The following PTBP3 variants were observed in gnomAD, a reference collection of about 807,000 sequenced individuals.
PTBP3 encodes the protein polypyrimidine tract binding protein 3, also known as polypyrimidine tract-binding protein 3.
In PTBP3, 20 loss-of-function variants were observed where a neutral mutation model predicts 58.7. The ratio of observed to expected loss-of-function variants is 0.34; its 90% CI spans 0.24 to 0.50. The LOEUF (loss-of-function observed/expected upper bound fraction) is 0.50. Ranked by LOEUF, PTBP3 falls within the 20% of genes least tolerant of loss-of-function variation. The pLI is 0.98. For synonymous variants in PTBP3, 185 were observed against 219.8 expected, an observed-to-expected ratio of 0.84 and a Z score of 1.40; for missense variants, 509 against 637.2, an observed-to-expected ratio of 0.80 and a Z score of 2.17.
chr9:112,330,405 A>G lies in PTBP3; in HGVS notation c.-52+3065T>C, dbSNP rs1332071078. The G allele has an allele frequency of 2.8e-6, 4 of 1,421,024 alleles. No individual in the cohort carries two copies. The African/African-American group carries it at 5.8e-5, about 20-fold the overall frequency. 88.0% of individuals were successfully genotyped at this position (1,421,024 alleles called of 1,614,324 possible). ...AGACTGAAAATATGCCAAAAGATAT[A>G]AAAATGCATATGAAAGGATAGTAAA... On this transcript the variant is annotated intron_variant, in intron 1 of 13. Transcript: ENST00000374257.
chr9:112,350,764 T>C, the PTBP3 span, among the ~76,000 whole-genome samples: 1 of 152,160 alleles, frequency 6.6e-6, no homozygotes, highest in Non-Finnish European at 1.5e-5. Context: ...TCTCAGAGTC[T>C]CTCATGAGGT....
chr9:112,290,381 A>C (rs1413294615), intron 2 of PTBP3, among the ~76,000 whole-genome samples: 3 of 152,130 alleles, frequency 2.0e-5, no homozygotes, highest in Non-Finnish European at 4.4e-5. Context: ...AAAATTAAAA[A>C]TACACAATAT....
chr9:112,350,933 G>A, the PTBP3 span, among the ~76,000 whole-genome samples: 2 of 151,944 alleles, frequency 1.3e-5, no homozygotes, highest in South Asian at 4.2e-4. Context: ...CGAGTAGTTG[G>A]GATTACAGGC....
intron 1 of PTBP3, among the ~76,000 whole-genome samples, chr9:112,314,204 A>C (rs1482827794): frequency 6.6e-6 from 1 of 152,220 alleles, no homozygotes; most frequent in Non-Finnish European, 1.5e-5. Flanking sequence ...AGAGGGACAA[A>C]TGTATACCAC....
At chr9:112,363,109 G>T in the PTBP3 span, 1 of 164,226 alleles carries the variant, frequency 6.1e-6, no homozygotes, top group South Asian at 1.5e-4. Flanking sequence ...AGCAAAGAAA[G>T]GGAATAGACA....
intron 1 of PTBP3, among the ~76,000 whole-genome samples, chr9:112,313,248 G>A (rs963394945): frequency 1.3e-5 from 2 of 151,954 alleles, no homozygotes; most frequent in African/African-American, 2.4e-5. Context: ...TCTGTCACCC[G>A]GGCTGGACTG....
chr9:112,249,104 G>C (rs984753039), intron 7 of PTBP3, among the ~76,000 whole-genome samples: 1 of 152,064 alleles, frequency 6.6e-6, no homozygotes. Context: ...AAATTTTTAA[G>C]TTGCATTTAG....
At chr9:112,320,314 A>ATATTTTT in intron 1 of PTBP3, among the ~76,000 whole-genome samples, 7 of 75,690 alleles carry the variant, frequency 9.2e-5, no homozygotes, top group African/African-American at 1.3e-4. Flanking sequence ...ATATATATAT[A>ATATTTTT]TTTTTTTTTA....
chr9:112,270,522 A>G (rs1255038650), intron 3 of PTBP3, among the ~76,000 whole-genome samples: 1 of 151,874 alleles, frequency 6.6e-6, no homozygotes, highest in Non-Finnish European at 1.5e-5. Flanking sequence ...AAGCATTTTT[A>G]ATTTTTTAAA....
intron 1 of PTBP3, among the ~76,000 whole-genome samples, chr9:112,313,332 G>A (rs982816118): frequency 1.3e-5 from 2 of 152,092 alleles, no homozygotes; most frequent in African/African-American, 4.8e-5. Context: ...ACCTACCAAA[G>A]CACTGGGACT....
chr9:112,252,969 G>A (rs1019421450), intron 5 of PTBP3, among the ~76,000 whole-genome samples, 181 bp from the exon 6 acceptor site: 1 of 152,002 alleles, frequency 6.6e-6, no homozygotes, highest in African/African-American at 2.4e-5. Flanking sequence ...TTACAACAAC[G>A]CCCGGTACAC....
chr9:112,226,103 G>C (rs1834978824), intron 12 of PTBP3, among the ~76,000 whole-genome samples: 1 of 151,702 alleles, frequency 6.6e-6, no homozygotes, highest in African/African-American at 2.4e-5. Context: ...GCCTGCCTCA[G>C]TATCTAATTG....
At chr9:112,354,639 T>C in the PTBP3 span, among the ~76,000 whole-genome samples, 2 of 152,150 alleles carry the variant, frequency 1.3e-5, no homozygotes, top group East Asian at 3.9e-4. Flanking sequence ...GGATGACACC[T>C]ACAAAAATTT....
intron 2 of PTBP3, among the ~76,000 whole-genome samples, chr9:112,296,651 T>C (rs7852058): frequency 0.84 from 127,866 of 152,152 alleles, 54,026 homozygotes; most frequent in African/African-American, 0.92. Flanking sequence ...ATTTCTTTCA[T>C]GATGTTGAGA....
At chr9:112,308,351 TA>T (rs58071863) in intron 1 of PTBP3, among the ~76,000 whole-genome samples, 2,687 of 133,316 alleles carry the variant, frequency 0.02, 32 homozygotes, top group East Asian at 0.093. Flanking sequence ...TCCTTTTATT[TA>T]AAAAAAAAAA....
rs2131932736 is a variant in PTBP3 at position 112,222,379 on chromosome 9, T to C, written c.*1472A>G. The C allele has an allele frequency of 1.0e-6, 1 of 985,664 alleles. No homozygotes were observed. The highest frequency in any genetic ancestry group is 1.2e-6 in the Non-Finnish European group (1 of 829,902). The allele number at this position is 985,664 out of a possible 1,614,324, so 61.1% of individuals were successfully genotyped here. A position where few individuals can be genotyped will look rare whatever the true frequency, so the allele number is the denominator to read the frequency against. ...CCTTCTCATACTCCAAATACGTGGGTACTCAGTAATGAAAGTCACATTAAC... is the reference window on the plus strand; with the variant it reads ...CCTTCTCATACTCCAAATACGTGGGCACTCAGTAATGAAAGTCACATTAAC... On this transcript the variant is annotated 3_prime_UTR_variant, in exon 14 of 14. Coordinates refer to ENST00000374257, the MANE Select transcript of PTBP3 (RefSeq NM_001163788.4).
chr9:112,225,016 C>T (rs374035484), intron 12 of PTBP3, among the ~76,000 whole-genome samples: 1 of 152,184 alleles, frequency 6.6e-6, no homozygotes, highest in South Asian at 2.1e-4. Flanking sequence ...GCCAAAGCCA[C>T]CCAGCTAAGC....
At chr9:112,227,747 G>A (rs964354909) in intron 11 of PTBP3, 120 bp from the exon 12 acceptor site, 11 of 751,468 alleles carry the variant, frequency 1.5e-5, no homozygotes, top group African/African-American at 1.4e-4. Context: ...ATCAGTTTGA[G>A]GGTGAAAAGG....
Position 112,228,365 on chromosome 9 carries a change from A to G in PTBP3, c.1147+15T>C. ...CAAGTTCACATTATTATTAATAATT[A>G]TTAATCATTAGTACCTAGCTGAGCT... is the stretch of plus-strand genomic sequence containing the variant. On this transcript the variant is annotated intron_variant, in intron 11 of 13. Transcript: ENST00000374257. 1 of 1,552,626 alleles carries G rather than the reference A, an allele frequency of 6.4e-7. No homozygotes were observed. The highest frequency in any genetic ancestry group is 8.7e-7 in the Non-Finnish European group (1 of 1,148,204).
Sources: gnomAD v4.1 joint callset for allele counts (sites outside exome capture counted in the v4.1 genomes callset) on GRCh38, gnomAD v4.1.1 for gene constraint, MANE v1.5 for transcripts, NCBI Gene and HGNC (gene_info 2026-07-23, HGNC 2026-07-21) for gene names.